USP34: variants seen among roughly 807,000 people sequenced by gnomAD.
The protein encoded by USP34 is ubiquitin carboxyl-terminal hydrolase 34.
A neutral mutation model predicts 460.3 loss-of-function variants in USP34; 70 were observed. The observed-to-expected ratio is 0.15, with a 90% confidence interval of 0.13 to 0.19. The LOEUF (loss-of-function observed/expected upper bound fraction) is 0.19. USP34 is among the 10% of genes least tolerant of loss of function. USP34 has a pLI of 1.00. For missense variants in USP34, 3,985 were observed against 4,236.2 expected, an observed-to-expected ratio of 0.94 and a Z score of 1.65; for synonymous variants, 1,647 against 1,405.3, an observed-to-expected ratio of 1.17 and a Z score of -3.85.
In USP34 at chr2:61,278,421, G is replaced by T. The variant is rs557246855; in HGVS notation, c.5279C>A (p.Ala1760Asp). The change falls in exon 40 of 80, where the codon GCC becomes GAC. Residue 1760 changes from alanine (A) to aspartate (D), a missense_variant. Physicochemically the swap from Ala to Asp is moderately radical, Grantham distance 126. Around this residue, in one of 14 missense-constraint regions of USP34, gnomAD observed 1,114 missense variants for 1,122.5 expected, o/e 0.99. Transcript: ENST00000398571. ...ACAGTCAGCCAAATGTCTTGCCAAGGCATCTAAGTCGAGGAGCGTTGTCTT... is the reference window on the plus strand; with the variant it reads ...ACAGTCAGCCAAATGTCTTGCCAAGTCATCTAAGTCGAGGAGCGTTGTCTT... The part of the protein sequence containing the change: ...ASQTTLLDLD[A>D]LARHLADCIR... 6.3e-7 allele frequency: 1 copy of T among 1,596,018 alleles called. No homozygotes were observed. The highest frequency in any genetic ancestry group is 1.4e-5 in the African/African-American group (1 of 73,804).
At position 61,451,780 on chromosome 2, in the gene USP34, G is replaced by C. The variant is rs573197485; in HGVS notation, c.43+18870C>G. Among the ~76,000 whole-genome samples the C allele has an allele frequency of 1.2e-4, 18 of 152,078 alleles. 1 individual carries two copies. The South Asian group carries it at 2.1e-3, about 18-fold the overall frequency. The stretch of plus-strand genomic sequence containing the variant: ...AATTTGCTAAAATCACTAAGTCATT[G>C]TTCAGAAAAATTAATGTTAGATCCT... On this transcript the variant is annotated intron_variant, in intron 1 of 79. Transcript: ENST00000398571.
intron 2 of USP34, among the ~76,000 whole-genome samples, chr2:61,417,719 C>CTTTTTTTTT (rs201901250): frequency 7.6e-6 from 1 of 130,764 alleles, no homozygotes; most frequent in African/African-American, 2.8e-5. Context: ...ATACTAAAAT[C>CTTTTTTTTT]TTTTTTTTTT....
chr2:61,461,985 G>C (rs1433510116), intron 1 of USP34, among the ~76,000 whole-genome samples: 1 of 152,028 alleles, frequency 6.6e-6, no homozygotes, highest in Admixed American at 6.6e-5. Flanking sequence ...CACACCTGTA[G>C]TCACAGCATT....
At chr2:61,445,823 G>A (rs1209434) in intron 1 of USP34, among the ~76,000 whole-genome samples, 91,357 of 151,314 alleles carry the variant, frequency 0.6, 27,613 homozygotes, top group Middle Eastern at 0.68. Context: ...TGCTATGCAC[G>A]TGTAATACCA....
intron 65 of USP34, among the ~76,000 whole-genome samples, chr2:61,222,374 T>A (rs1249876949): frequency 6.6e-6 from 1 of 152,192 alleles, no homozygotes; most frequent in African/African-American, 2.4e-5. Flanking sequence ...CTTTAAAGCC[T>A]GGCATCCAGG....
chr2:61,288,750 C>A lies in USP34; in HGVS notation c.4676G>T (p.Arg1559Ile). The A allele has an allele frequency of 6.2e-7, 1 of 1,614,082 alleles. No homozygotes were observed. The highest frequency in any genetic ancestry group is 1.6e-4 in the Middle Eastern group (1 of 6,062). Reference protein sequence around the residue: ...WSGIAESHRKRTWPGKSRKAA... With the variant: ...WSGIAESHRKITWPGKSRKAA... ...CTTCCTTGATTTGCCAGGCCAGGTT[C>A]TTTTCCTATGGCTTTCCGCTATACC... is the stretch of plus-strand genomic sequence containing the variant. The change falls in exon 34 of 80, where the codon AGA becomes ATA. Residue 1559 changes from arginine to isoleucine, a missense_variant. This residue lies in a region of USP34 where 1,114 missense variants were observed against 1,122.5 expected (regional missense o/e 0.99). Transcript: ENST00000398571.
chr2:61,301,324 T>G, intron 28 of USP34, 30 bp downstream of exon 28: 1 of 1,605,626 alleles, frequency 6.2e-7, no homozygotes, highest in Non-Finnish European at 8.5e-7. Flanking sequence ...AACAGATCAT[T>G]AAAACTCAAA....
intron 15 of USP34, among the ~76,000 whole-genome samples, chr2:61,345,928 A>T (rs963317245): frequency 2.0e-5 from 3 of 152,172 alleles, no homozygotes; most frequent in African/African-American, 7.2e-5. Flanking sequence ...CATTTTATAG[A>T]TTGAAAAAAT....
In USP34 at chr2:61,232,674, A is replaced by C; in HGVS notation, c.7033-142T>G. 4.3e-6 allele frequency: 3 copies of C among 691,796 alleles called. No individual in the cohort carries two copies. The Admixed American group carries it at 9.5e-5, about 22-fold the overall frequency. 42.9% of individuals were successfully genotyped at this position (691,796 alleles called of 1,614,324 possible). On this transcript the variant is annotated intron_variant, in intron 57 of 79. Coordinates refer to ENST00000398571, the MANE Select transcript of USP34 (RefSeq NM_014709.4). ...AGAAAAGTTTCTCTAATTGTCATAA[A>C]AGTCAAACTCTAAAATCATAATAAG...
chr2:61,466,068 A>ATAT (rs1695753419), intron 1 of USP34, among the ~76,000 whole-genome samples: 1 of 152,134 alleles, frequency 6.6e-6, no homozygotes, highest in Non-Finnish European at 1.5e-5. Context: ...TTGTTAAAGA[A>ATAT]TATAAAATTA....
In USP34 at chr2:61,190,562, T is replaced by C; in HGVS notation, c.9685A>G (p.Asn3229Asp). Residue 3229 changes from asparagine (N) to aspartate (D), a missense_variant, in exon 77 of 80, where the codon AAC (asparagine) becomes GAC (aspartate). By Grantham distance (23) the Asn-to-Asp change is conservative. Coordinates refer to ENST00000398571, the MANE Select transcript of USP34 (RefSeq NM_014709.4). Reference protein sequence around the residue: ...CILMDERTFLNNNIVYTFMTH... With the variant: ...CILMDERTFLDNNIVYTFMTH... ...ATGAACGTGTAGACAATGTTGTTGT[T>C]TAAAAAAGTTCTTTCATCCATTAGG... The C allele has an allele frequency of 6.2e-7, 1 of 1,614,122 alleles. No individual in the cohort carries two copies. The highest frequency in any genetic ancestry group is 1.3e-5 in the African/African-American group (1 of 75,060).
chr2:61,231,820 T>A (rs931915549), intron 58 of USP34, among the ~76,000 whole-genome samples: 1 of 149,704 alleles, frequency 6.7e-6, no homozygotes. Flanking sequence ...TAAAAAAATA[T>A]ATATACATAT....
At chr2:61,430,727 A>T (rs1044419462) in intron 1 of USP34, among the ~76,000 whole-genome samples, 1 of 152,184 alleles carries the variant, frequency 6.6e-6, no homozygotes, top group African/African-American at 2.4e-5. Flanking sequence ...TAAAACTGAG[A>T]ATATAAGGGA....
At chr2:61,296,369 C>T (rs1464811649) in intron 30 of USP34, among the ~76,000 whole-genome samples, 2 of 152,100 alleles carry the variant, frequency 1.3e-5, no homozygotes, top group African/African-American at 4.8e-5. Context: ...AAAATTATCA[C>T]ACAGATATTA....
chr2:61,469,586 A>G (rs1427764273), intron 1 of USP34, among the ~76,000 whole-genome samples: 1 of 152,250 alleles, frequency 6.6e-6, no homozygotes, highest in Non-Finnish European at 1.5e-5. Flanking sequence ...AGTGACAGTC[A>G]AACACAAATA....
chr2:61,399,001 G>C (rs759158346), intron 3 of USP34, among the ~76,000 whole-genome samples: 20 of 152,130 alleles, frequency 1.3e-4, no homozygotes, highest in Non-Finnish European at 2.6e-4. Flanking sequence ...TCATGGACCA[G>C]GTGAACCATG....
intron 7 of USP34, among the ~76,000 whole-genome samples, chr2:61,378,764 G>A (rs1692871714): frequency 6.6e-6 from 1 of 151,634 alleles, no homozygotes; most frequent in Non-Finnish European, 1.5e-5. Flanking sequence ...AAATTAGCTG[G>A]GTATGGTGGC....
At chr2:61,288,465 T>A (rs1689754746) in intron 34 of USP34, among the ~76,000 whole-genome samples, 3 of 152,208 alleles carry the variant, frequency 2.0e-5, no homozygotes, top group Non-Finnish European at 4.4e-5. Context: ...GTCTCACAGA[T>A]ATTAAAATGG....
At chr2:61,262,878 G>A (rs1372301410) in intron 43 of USP34, among the ~76,000 whole-genome samples, 1 of 152,076 alleles carries the variant, frequency 6.6e-6, no homozygotes, top group Non-Finnish European at 1.5e-5. Flanking sequence ...CAGCTATTCT[G>A]ACTGGTTTGA....
Sources: allele counts gnomAD v4.1 joint callset (sites outside exome capture counted in the v4.1 genomes callset), GRCh38; gene constraint gnomAD v4.1.1; regional missense constraint gnomAD v4.1.1; transcripts MANE v1.5; gene names NCBI Gene and HGNC (gene_info 2026-07-23, HGNC 2026-07-21).